Variants in UGT1A8 observed in about 807,000 individuals in gnomAD.
UGT1A8 encodes UDP glucuronosyltransferase family 1 member A8.
In UGT1A8, 39 loss-of-function variants were observed where a neutral mutation model predicts 45.3. The observed-to-expected ratio is 0.86, with a 90% CI of 0.67 to 1.12. The LOEUF (loss-of-function observed/expected upper bound fraction) is 1.12, where lower values mean the gene tolerates loss of function less well. Among genes scored for constraint, UGT1A8 ranks in the 50% most tolerant of loss-of-function variants. The pLI, the probability that UGT1A8 is intolerant of heterozygous loss-of-function variation, is 0.00. For synonymous variants in UGT1A8, 275 were observed against 249.2 expected (o/e 1.10, Z -0.97); for missense variants, 719 against 664.9 (o/e 1.08, Z -0.90).
intron 1 of UGT1A8, among the ~76,000 whole-genome samples, chr2:233,618,971 A>C (rs17864671): frequency 0.039 from 5,900 of 152,236 alleles, 146 homozygotes; most frequent in Non-Finnish European, 0.061. Flanking sequence ...ATTATAGATC[A>C]TATTTAGCCC....
At chr2:233,669,007 A>G (rs1287314930) in intron 1 of UGT1A8, among the ~76,000 whole-genome samples, 1 of 152,208 alleles carries the variant, frequency 6.6e-6, no homozygotes, top group Admixed American at 6.5e-5. Flanking sequence ...GATTATGGTA[A>G]CACAGGGGTT....
chr2:233,732,886 T>C lies in UGT1A8; in HGVS notation c.856-34148T>C, dbSNP rs572448291. On this transcript the variant is annotated intron_variant, in intron 1 of 4. Coordinates refer to ENST00000373450, the MANE Select transcript of UGT1A8 (RefSeq NM_019076.5). ...CTTGATGGGTTTGGCATTGAATCTATAAATTACCTTGGGCAGTATGGCCAT... is the reference window on the plus strand; with the variant it reads ...CTTGATGGGTTTGGCATTGAATCTACAAATTACCTTGGGCAGTATGGCCAT... Among the ~76,000 whole-genome samples, 466 of 152,210 alleles carry C rather than the reference T, an allele frequency of 3.1e-3. 4 individuals are homozygous for C. The highest frequency in any genetic ancestry group is 0.011 in the African/African-American group (443 of 41,520).
At chr2:233,752,422 T>C (rs1694966934) in intron 1 of UGT1A8, 1 of 152,180 alleles carries the variant, frequency 6.6e-6, no homozygotes, top group Non-Finnish European at 1.5e-5. Context: ...GAAAACCTGA[T>C]TTATCGAACC....
At chr2:233,666,059 A>G (rs2074070143) in intron 1 of UGT1A8, among the ~76,000 whole-genome samples, 1 of 152,238 alleles carries the variant, frequency 6.6e-6, no homozygotes, top group African/African-American at 2.4e-5. Context: ...GCATGGCACC[A>G]GCATCCGCAT....
At chr2:233,660,335 G>A (rs1045555860) in intron 1 of UGT1A8, among the ~76,000 whole-genome samples, 1 of 152,180 alleles carries the variant, frequency 6.6e-6, no homozygotes, top group African/African-American at 2.4e-5. Context: ...TCTAATGGCT[G>A]AATTAGAGAT....
intron 1 of UGT1A8, chr2:233,747,617 G>A (rs1693730880): frequency 1.3e-5 from 20 of 1,575,570 alleles, no homozygotes; most frequent in Non-Finnish European, 1.7e-5. Context: ...TGCATAATGA[G>A]GCCCTGATCA....
rs1270909103 is a variant in UGT1A8, at chr2:233,767,175, T to G, written c.987+10T>G. On this transcript the variant is annotated intron_variant, in intron 2 of 4. Transcript: ENST00000373450. Reference sequence around the variant, plus strand: ...CAAAATCCCTCAGACAGTAAGAAGATTCTATACCATGGCCTCATATCTATT... The same window carrying G: ...CAAAATCCCTCAGACAGTAAGAAGAGTCTATACCATGGCCTCATATCTATT... The G allele has an allele frequency of 1.4e-5, 22 of 1,613,924 alleles. No individual in the cohort carries two copies. The highest frequency in any genetic ancestry group is 1.9e-5 in the Non-Finnish European group (22 of 1,180,010).
intron 1 of UGT1A8, among the ~76,000 whole-genome samples, chr2:233,654,872 A>C (rs571647395): frequency 6.6e-6 from 1 of 152,316 alleles, no homozygotes; most frequent in African/African-American, 2.4e-5. Flanking sequence ...TGGGCGGATC[A>C]CCTGAGGTCA....
intron 1 of UGT1A8, chr2:233,748,014 C>G: frequency 6.2e-7 from 1 of 1,613,488 alleles, no homozygotes; most frequent in Non-Finnish European, 8.5e-7. Flanking sequence ...TTACCCCAGG[C>G]CGATCATGCC....
rs189112981 is a variant in UGT1A8, at chr2:233,747,187, A to C, written c.856-19847A>C. 2.8e-4 allele frequency: 449 copies of C among 1,603,370 alleles called. 14 individuals carry two copies. The African/African-American group carries it at 5.5e-3, about 19-fold the overall frequency. On this transcript the variant is annotated intron_variant, in intron 1 of 4. Coordinates refer to ENST00000373450, the MANE Select transcript of UGT1A8 (RefSeq NM_019076.5). ...GTAGGAGGCACAGCGTGGGGTGGACAGTCAGCTGTCCGTGTCTTCTGCTGA... is the reference window on the plus strand; with the variant it reads ...GTAGGAGGCACAGCGTGGGGTGGACCGTCAGCTGTCCGTGTCTTCTGCTGA...
chr2:233,647,391 T>G (rs1005213723), intron 1 of UGT1A8, among the ~76,000 whole-genome samples: 2 of 152,248 alleles, frequency 1.3e-5, no homozygotes, highest in African/African-American at 4.8e-5. Flanking sequence ...GTGGTAATGT[T>G]GGTCTCACAG....
At chr2:233,751,205 G>C (rs1471569540) in intron 1 of UGT1A8, among the ~76,000 whole-genome samples, 1 of 151,980 alleles carries the variant, frequency 6.6e-6, no homozygotes, top group East Asian at 1.9e-4. Context: ...TAATTTTGGA[G>C]CTTTAAGATT....
intron 1 of UGT1A8, among the ~76,000 whole-genome samples, chr2:233,758,252 T>G (rs1696828671): frequency 6.6e-6 from 1 of 152,196 alleles, no homozygotes; most frequent in African/African-American, 2.4e-5. Context: ...ACTATTCAGA[T>G]TAGTAAGTAT....
At chr2:233,669,060 G>T (rs1357876796) in intron 1 of UGT1A8, among the ~76,000 whole-genome samples, 1 of 152,164 alleles carries the variant, frequency 6.6e-6, no homozygotes, top group Non-Finnish European at 1.5e-5. Context: ...GTGTTTTCCC[G>T]CTTTCTTGCG....
At chr2:233,772,199 A>T (rs1700481420) in intron 4 of UGT1A8, 63 bp from the exon 5 acceptor site, 2 of 1,605,338 alleles carry the variant, frequency 1.2e-6, no homozygotes, top group African/African-American at 1.3e-5. Flanking sequence ...AGCCATGAGC[A>T]TAAAGAGAGG....
chr2:233,688,768 T>G (rs2125540599), intron 1 of UGT1A8, among the ~76,000 whole-genome samples: 1 of 152,314 alleles, frequency 6.6e-6, no homozygotes, highest in African/African-American at 2.4e-5. Context: ...GAACATGGCT[T>G]TGCCATTCTA....
At chr2:233,713,529 T>A in intron 1 of UGT1A8, 1 of 1,613,944 alleles carries the variant, frequency 6.2e-7, no homozygotes, top group Non-Finnish European at 8.5e-7. Flanking sequence ...TCCATGTGAT[T>A]TAGACTTTAA....
At chr2:233,738,852 A>G (rs1448497943) in intron 1 of UGT1A8, 2 of 152,248 alleles carry the variant, frequency 1.3e-5, no homozygotes, top group Admixed American at 1.3e-4. Flanking sequence ...AATCACCAAG[A>G]CAATGGGGAA....
intron 1 of UGT1A8, among the ~76,000 whole-genome samples, chr2:233,627,633 C>CTTCCTTCA (rs2073110109): frequency 9.2e-6 from 1 of 108,814 alleles, no homozygotes; most frequent in African/African-American, 4.2e-5. Context: ...TTCTTCCTTC[C>CTTCCTTCA]TTCCTTCCTT....
Sources: gnomAD v4.1 joint callset for allele counts (sites outside exome capture counted in the v4.1 genomes callset) on GRCh38, gnomAD v4.1.1 for gene constraint, MANE v1.5 for transcripts, NCBI Gene and HGNC (gene_info 2026-07-23, HGNC 2026-07-21) for gene names.